The following TOX variants were observed in gnomAD, a reference collection of about 807,000 sequenced individuals.
The protein encoded by TOX is thymocyte selection associated high mobility group box.
In TOX, 11 loss-of-function variants were observed where a neutral mutation model predicts 53.7. The ratio of observed to expected loss-of-function variants is 0.20; its 90% CI spans 0.13 to 0.34. TOX has a LOEUF of 0.34. Ranked by LOEUF, TOX falls within the 10% of genes least tolerant of loss-of-function variation. The pLI, the probability that TOX is intolerant of heterozygous loss-of-function variation, is 1.00. For missense variants in TOX, 570 were observed against 664.6 expected, an observed-to-expected ratio of 0.86 and a Z score of 1.56; for synonymous variants, 225 against 245.3, an observed-to-expected ratio of 0.92 and a Z score of 0.77.
At position 58,940,670 on chromosome 8, in the gene TOX, T is replaced by A. The variant is rs909475093; in HGVS notation, c.169-1126A>T. On this transcript the variant is annotated intron_variant, in intron 2 of 8. Transcript: ENST00000361421. ...AGGATTCCCTTGTCTAACAGCCCAGTGCCTGCTCAAGTGTGCAAGATTTGA... is the reference window on the plus strand; with the variant it reads ...AGGATTCCCTTGTCTAACAGCCCAGAGCCTGCTCAAGTGTGCAAGATTTGA... 2.6e-5 allele frequency among the ~76,000 whole-genome samples: 4 copies of A among 152,274 alleles called. No individual in the cohort carries two copies. The East Asian group carries it at 7.7e-4, about 29-fold the overall frequency.
intron 1 of TOX, among the ~76,000 whole-genome samples, chr8:58,969,399 T>C (rs1812960959): frequency 6.6e-6 from 1 of 152,214 alleles, no homozygotes; most frequent in Non-Finnish European, 1.5e-5. Context: ...TTTTGCATTT[T>C]AAGGAATCTG....
chr8:58,965,944 G>A (rs1254804913), intron 1 of TOX, among the ~76,000 whole-genome samples: 33 of 119,192 alleles, frequency 2.8e-4, no homozygotes, highest in Non-Finnish European at 6.4e-5. Context: ...AAGAAATAAG[G>A]TTGGGCAATG....
At chr8:59,097,601 A>G (rs1286845120) in intron 1 of TOX, among the ~76,000 whole-genome samples, 2 of 152,204 alleles carry the variant, frequency 1.3e-5, no homozygotes, top group African/African-American at 4.8e-5. Flanking sequence ...TCTGTGGCAC[A>G]TTCTACACCA....
chr8:58,893,199 C>T (rs1488973892), intron 3 of TOX, among the ~76,000 whole-genome samples: 2 of 114,640 alleles, frequency 1.7e-5, no homozygotes, highest in African/African-American at 7.8e-5. Context: ...CTCCAGATTA[C>T]ATCCATAATC....
At position 58,805,647 on chromosome 8, in the gene TOX, T is replaced by A. The variant is rs969455635; in HGVS notation, c.*2100A>T. ...AGTTTAGACTTAATGCAAGTGAAAT[T>A]TTTACTTTATCATAATATAATAAAT... On this transcript the variant is annotated 3_prime_UTR_variant, in exon 9 of 9. Coordinates refer to ENST00000361421, the MANE Select transcript of TOX (RefSeq NM_014729.3). 3 of 152,626 alleles carry A rather than the reference T, an allele frequency of 2.0e-5. No individual in the cohort carries two copies. Among genetic ancestry groups the A allele is most frequent in the Admixed American group, 2.0e-4 (3 of 15,284 alleles). 9.5% of individuals were successfully genotyped at this position (152,626 alleles called of 1,614,324 possible).
intron 1 of TOX, among the ~76,000 whole-genome samples, chr8:59,088,505 G>C (rs1804552276): frequency 6.6e-6 from 1 of 152,128 alleles, no homozygotes; most frequent in African/African-American, 2.4e-5. Flanking sequence ...TTACATTTTG[G>C]GTACAGAATT....
At chr8:58,842,642 T>G (rs1441299846) in intron 4 of TOX, among the ~76,000 whole-genome samples, 1 of 152,138 alleles carries the variant, frequency 6.6e-6, no homozygotes, top group African/African-American at 2.4e-5. Context: ...ACTGGAAGTG[T>G]GATTCCTTGC....
intron 1 of TOX, among the ~76,000 whole-genome samples, chr8:59,051,988 C>T (rs1803798809): frequency 1.3e-5 from 2 of 152,088 alleles, no homozygotes; most frequent in Admixed American, 1.3e-4. Flanking sequence ...TTTGTCTTTT[C>T]TTTTGGAATC....
intron 7 of TOX, among the ~76,000 whole-genome samples, chr8:58,813,159 G>T (rs980059833): frequency 2.0e-5 from 3 of 152,186 alleles, no homozygotes; most frequent in Admixed American, 1.3e-4. Flanking sequence ...ATACAGTTAA[G>T]ATTCTATATG....
At chr8:58,925,949 C>T (rs1406080720) in intron 3 of TOX, among the ~76,000 whole-genome samples, 1 of 152,158 alleles carries the variant, frequency 6.6e-6, no homozygotes, top group African/African-American at 2.4e-5. Flanking sequence ...TGGAGACTAG[C>T]TGTGTATGCA....
intron 1 of TOX, among the ~76,000 whole-genome samples, chr8:59,067,067 C>A (rs1585998739): frequency 6.6e-6 from 1 of 152,244 alleles, no homozygotes; most frequent in Non-Finnish European, 1.5e-5. Context: ...GTTGCAAGCG[C>A]CTTTTCTGCA....
intron 1 of TOX, among the ~76,000 whole-genome samples, chr8:59,060,216 G>T (rs528392254): frequency 6.6e-6 from 1 of 152,098 alleles, no homozygotes; most frequent in African/African-American, 2.4e-5. Flanking sequence ...TGATAGCCCC[G>T]TGTCTTTATG....
intron 3 of TOX, among the ~76,000 whole-genome samples, chr8:58,861,997 C>T (rs1463820622): frequency 1.3e-5 from 2 of 152,116 alleles, no homozygotes; most frequent in African/African-American, 2.4e-5. Flanking sequence ...GACAGCTTCC[C>T]TGTGCAGAAT....
chr8:58,879,281 C>T (rs1277650037), intron 3 of TOX, among the ~76,000 whole-genome samples: 1 of 152,088 alleles, frequency 6.6e-6, no homozygotes, highest in African/African-American at 2.4e-5. Context: ...GTTTCTATGG[C>T]AATCTATTTT....
intron 1 of TOX, among the ~76,000 whole-genome samples, chr8:59,020,104 T>C (rs562529081): frequency 2.6e-5 from 4 of 152,332 alleles, no homozygotes; most frequent in Admixed American, 6.5e-5. Context: ...CGGAAGATAG[T>C]ACAGTACTAC....
chr8:58,812,736 T>A (rs1015820031), intron 7 of TOX, among the ~76,000 whole-genome samples: 2 of 152,220 alleles, frequency 1.3e-5, no homozygotes, highest in African/African-American at 4.8e-5. Flanking sequence ...TTGTTCTCAC[T>A]CATCACTCAA....
intron 1 of TOX, among the ~76,000 whole-genome samples, chr8:59,084,290 C>T (rs1198873440): frequency 6.6e-6 from 1 of 151,782 alleles, no homozygotes; most frequent in African/African-American, 2.4e-5. Flanking sequence ...AAAAAGATAA[C>T]GATATATGAC....
intron 3 of TOX, among the ~76,000 whole-genome samples, chr8:58,870,135 C>T (rs964383695): frequency 4.6e-5 from 7 of 151,682 alleles, no homozygotes; most frequent in South Asian, 2.1e-4. Context: ...GAAATAAGAC[C>T]GACTCTATTC....
At position 58,932,237 on chromosome 8, in the gene TOX, C is replaced by T. The variant is rs181458716; in HGVS notation, c.411+7065G>A. Among the ~76,000 whole-genome samples the T allele has an allele frequency of 3.2e-3, 480 of 151,656 alleles. 3 individuals are homozygous for T. Among genetic ancestry groups the T allele is most frequent in the Admixed American group, 0.028 (419 of 15,234 alleles). ...TCTTCACAGTATTAAAGTGGTTTAACGCATTGTTCTTGGGTTCTGCGATAT... is the reference window on the plus strand; with the variant it reads ...TCTTCACAGTATTAAAGTGGTTTAATGCATTGTTCTTGGGTTCTGCGATAT... On this transcript the variant is annotated intron_variant, in intron 3 of 8. Transcript: ENST00000361421.
Sources: gnomAD v4.1 joint callset for allele counts (sites outside exome capture counted in the v4.1 genomes callset) on GRCh38, gnomAD v4.1.1 for gene constraint, MANE v1.5 for transcripts, NCBI Gene and HGNC (gene_info 2026-07-23, HGNC 2026-07-21) for gene names.